SLC35G5: variants seen among roughly 807,000 people sequenced by gnomAD.
SLC35G5 encodes solute carrier family 35 member G5.
SLC35G5 carries 14 observed loss-of-function variants against 17.6 expected under a neutral mutation model. The observed-to-expected ratio is 0.79, with a 90% CI of 0.52 to 1.24. The LOEUF is 1.24. SLC35G5 is among the 50% of genes most tolerant of loss of function. SLC35G5 has a pLI of 0.00. For missense variants in SLC35G5, 541 were observed against 430.3 expected (o/e 1.26, Z -2.28); for synonymous variants, 236 against 194.9 (o/e 1.21, Z -1.76).
In SLC35G5 at chr8:11,331,274, C is replaced by A. The variant is rs1801212021; in HGVS notation, c.168C>A (p.Pro56=). The A allele has an allele frequency of 6.2e-7, 1 of 1,614,000 alleles. No homozygotes were observed. Among genetic ancestry groups the A allele is most frequent in the Non-Finnish European group, 8.5e-7 (1 of 1,179,908 alleles). ...GGGLPAGFVG[P]LSRMAYQGSN... is the part of the protein sequence containing the mutation. The stretch of plus-strand genomic sequence containing the variant: ...GCCTGCCTGCTGGCTTCGTGGGCCC[C>A]CTTTCTCGTATGGCTTACCAGGGTT... The change falls in exon 1 of 1, where the codon CCC becomes CCA. Residue 56 remains proline, a synonymous_variant. Transcript: ENST00000382435.
Position 11,331,049 on chromosome 8 carries a change from G to A in SLC35G5, c.-58G>A, listed in dbSNP as rs554557827. The stretch of plus-strand genomic sequence containing the variant: ...CACTCCAATGAGGTCACAATGGCTG[G>A]AGCTCTGAGGGGCCCAGGCTCCCTG... On this transcript the variant is annotated 5_prime_UTR_variant, in exon 1 of 1. Coordinates refer to ENST00000382435, the MANE Select transcript of SLC35G5 (RefSeq NM_054028.2). The A allele has an allele frequency of 1.3e-6, 2 of 1,539,874 alleles. No individual in the cohort carries two copies. The highest frequency in any genetic ancestry group is 4.5e-5 in the East Asian group (2 of 44,248).
rs142496846 is a variant in SLC35G5, at chr8:11,331,271, C to T, written c.165C>T (p.Gly55=). Reference sequence around the variant, plus strand: ...GGGGCCTGCCTGCTGGCTTCGTGGGCCCCCTTTCTCGTATGGCTTACCAGG... The same window carrying T: ...GGGGCCTGCCTGCTGGCTTCGTGGGTCCCCTTTCTCGTATGGCTTACCAGG... ...LGGGLPAGFV[G]PLSRMAYQGS... is the part of the protein sequence containing the mutation. Residue 55 remains glycine, a synonymous_variant, in exon 1 of 1, where the codon GGC becomes GGT. Coordinates refer to ENST00000382435, the MANE Select transcript of SLC35G5 (RefSeq NM_054028.2). The T allele has an allele frequency of 5.0e-6, 8 of 1,613,734 alleles. No homozygotes were observed. Among genetic ancestry groups the T allele is most frequent in the East Asian group, 2.2e-5 (1 of 44,882 alleles).
At position 11,331,062 on chromosome 8, in the gene SLC35G5, C is replaced by T. The variant is rs746767597; in HGVS notation, c.-45C>T. 6 of 1,554,356 alleles carry T rather than the reference C, an allele frequency of 3.9e-6. No individual in the cohort carries two copies. In the Admixed American group the frequency reaches 5.8e-5, roughly 15 times the overall value. ...TCACAATGGCTGGAGCTCTGAGGGGCCCAGGCTCCCTGAGCCAGGAGGAGA... is the reference window on the plus strand; with the variant it reads ...TCACAATGGCTGGAGCTCTGAGGGGTCCAGGCTCCCTGAGCCAGGAGGAGA... On this transcript the variant is annotated 5_prime_UTR_variant, in exon 1 of 1. Transcript: ENST00000382435.
At position 11,331,707 on chromosome 8, in the gene SLC35G5, C is replaced by T; in HGVS notation, c.601C>T (p.Leu201=). 1 of 1,612,018 alleles carries T rather than the reference C, an allele frequency of 6.2e-7. No individual in the cohort carries two copies. The highest frequency in any genetic ancestry group is 8.5e-7 in the Non-Finnish European group (1 of 1,179,852). The change falls in exon 1 of 1, where the codon CTG becomes TTG. Residue 201 remains leucine (L), a synonymous_variant. Transcript: ENST00000382435. ...CTATGTGCAGGCTTTCCTGGGAGGC[C>T]TGGCGCTGTCCCTGGGGCTTCTGGT... ...LGYVQAFLGG[L]ALSLGLLVYR...
In SLC35G5 at chr8:11,332,224, T is replaced by C. The variant is rs2117503144; in HGVS notation, c.*101T>C. On this transcript the variant is annotated 3_prime_UTR_variant, in exon 1 of 1. Coordinates refer to ENST00000382435, the MANE Select transcript of SLC35G5 (RefSeq NM_054028.2). ...AAAGAAAAAAAATAATTATAATAAA[T>C]CCTAGGAAAGAGTGAAAGTCTAACT... 1 of 1,482,704 alleles carries C rather than the reference T, an allele frequency of 6.7e-7. No homozygotes were observed. The highest frequency in any genetic ancestry group is 1.4e-5 in the South Asian group (1 of 72,972). The allele number at this position is 1,482,704 out of a possible 1,614,324, so 91.8% of individuals were successfully genotyped here.
At position 11,332,174 on chromosome 8, in the gene SLC35G5, A is replaced by G. The variant is rs762217730; in HGVS notation, c.*51A>G. The G allele has an allele frequency of 1.3e-6, 2 of 1,597,222 alleles. No homozygotes were observed. Among genetic ancestry groups the G allele is most frequent in the Non-Finnish European group, 1.7e-6 (2 of 1,175,584 alleles). On this transcript the variant is annotated 3_prime_UTR_variant, in exon 1 of 1. Coordinates refer to ENST00000382435, the MANE Select transcript of SLC35G5 (RefSeq NM_054028.2). The stretch of plus-strand genomic sequence containing the variant: ...GGGAGGGACAGGGATAAATAAAGAC[A>G]AAGACTGAAGACAAAAAAAAAATAA...
At position 11,332,343 on chromosome 8, in the gene SLC35G5, A is replaced by G. The variant is rs1180831687; in HGVS notation, c.*220A>G. 4 of 838,924 alleles carry G rather than the reference A, an allele frequency of 4.8e-6. No homozygotes were observed. Among genetic ancestry groups the G allele is most frequent in the African/African-American group, 3.5e-5 (2 of 56,654 alleles). The allele number at this position is 838,924 out of a possible 1,614,324, so 52.0% of individuals were successfully genotyped here. On this transcript the variant is annotated 3_prime_UTR_variant, in exon 1 of 1. Coordinates refer to ENST00000382435, the MANE Select transcript of SLC35G5 (RefSeq NM_054028.2). ...AGAAATCTGGCTTATTTACAGGAATAAAATTAATTGAACTATCCTTAAGGA... is the reference window on the plus strand; with the variant it reads ...AGAAATCTGGCTTATTTACAGGAATGAAATTAATTGAACTATCCTTAAGGA...
Position 11,332,166 on chromosome 8 carries a change from A to G in SLC35G5, c.*43A>G, listed in dbSNP as rs769005148. Reference sequence around the variant, plus strand: ...CGGGGGTTGGGAGGGACAGGGATAAATAAAGACAAAGACTGAAGACAAAAA... The same window carrying G: ...CGGGGGTTGGGAGGGACAGGGATAAGTAAAGACAAAGACTGAAGACAAAAA... On this transcript the variant is annotated 3_prime_UTR_variant, in exon 1 of 1. Transcript: ENST00000382435. 6 of 1,609,236 alleles carry G rather than the reference A, an allele frequency of 3.7e-6. No individual in the cohort carries two copies. In the South Asian group the frequency reaches 5.5e-5, roughly 15 times the overall value.
rs149660269 is a variant in SLC35G5 at position 11,331,195 on chromosome 8, G to A, written c.89G>A (p.Arg30His). Residue 30 changes from arginine to histidine, a missense_variant, in exon 1 of 1, where the codon CGC becomes CAC. Transcript: ENST00000382435. ...SAPPSLRWHQRCQPSGATNGL... is the reference protein window; with the variant it reads ...SAPPSLRWHQHCQPSGATNGL... ...CCACCCAGCCTCCGCTGGCACCAGC[G>A]CTGCCAGCCCTCTGGTGCCACCAAT... 16 of 1,613,768 alleles carry A rather than the reference G, an allele frequency of 9.9e-6. No individual in the cohort carries two copies. The African/African-American group carries it at 1.2e-4, about 12-fold the overall frequency.
At position 11,331,946 on chromosome 8, in the gene SLC35G5, C is replaced by A. The variant is rs1425853568; in HGVS notation, c.840C>A (p.Ala280=). Reference sequence around the variant, plus strand: ...ATGCGGTCACCAAGGCCCACCCTGCCCTGGTGTGCGCTGTCCTGCATTCCG... The same window carrying A: ...ATGCGGTCACCAAGGCCCACCCTGCACTGGTGTGCGCTGTCCTGCATTCCG... ...VGYAVTKAHP[A]LVCAVLHSEV... is the part of the protein sequence containing the mutation. Residue 280 remains alanine, a synonymous_variant, in exon 1 of 1, where the codon GCC becomes GCA. Transcript: ENST00000382435. The A allele has an allele frequency of 2.5e-6, 4 of 1,612,020 alleles. No individual in the cohort carries two copies. In the Admixed American group the frequency reaches 5.0e-5, roughly 20 times the overall value.
chr8:11,331,820 CTT>C lies in SLC35G5; in HGVS notation c.716_717del (p.Phe239CysfsTer10). The C allele has an allele frequency of 6.2e-7, 1 of 1,611,912 alleles. No individual in the cohort carries two copies. ...GGCTGCTGGGCTGTGTGCCAGGCCT[CTT>C]TGTGCTGCAGACCCCCGTGTTGCCC... Reference protein sequence around the residue: ...VGLLGCVPGLFVLQTPVLPSD... With the variant: ...VGLLGCVPGLXVLQTPVLPSD... On this transcript the variant is annotated frameshift_variant, in exon 1 of 1. Transcript: ENST00000382435. LOFTEE classifies it high-confidence loss of function.
rs755131257 is a variant in SLC35G5 at position 11,331,667 on chromosome 8, C to A, written c.561C>A (p.Val187=). The change falls in exon 1 of 1, where the codon GTC becomes GTA. Residue 187 remains valine (V), a synonymous_variant. Transcript: ENST00000382435. ...CACTACAGGAGGGGACCACAGGTGT[C>A]TACACCACCCTGGGCTATGTGCAGG... The part of the protein sequence containing the change: ...LWTLQEGTTG[V]YTTLGYVQAF... 5.0e-6 allele frequency: 8 copies of A among 1,612,100 alleles called. No individual in the cohort carries two copies. The African/African-American group carries it at 1.1e-4, about 22-fold the overall frequency.
rs1489305598 is a variant in SLC35G5, at chr8:11,332,197, TAAAAG to T, written c.*79_*83del. 5 of 1,512,300 alleles carry T rather than the reference TAAAAG, an allele frequency of 3.3e-6. No individual in the cohort carries two copies. The highest frequency in any genetic ancestry group is 4.4e-6 in the Non-Finnish European group (5 of 1,135,846). 93.7% of individuals were successfully genotyped at this position (1,512,300 alleles called of 1,614,324 possible). A position where few individuals can be genotyped will look rare whatever the true frequency, so the allele number is the denominator to read the frequency against. On this transcript the variant is annotated 3_prime_UTR_variant, in exon 1 of 1. Coordinates refer to ENST00000382435, the MANE Select transcript of SLC35G5 (RefSeq NM_054028.2). ...ACAAAGACTGAAGACAAAAAAAAAA[TAAAAG>T]AAAAAAAATAATTATAATAAATCCT... is the stretch of plus-strand genomic sequence containing the variant.
chr8:11,332,037 A>G lies in SLC35G5; in HGVS notation c.931A>G (p.Met311Val), dbSNP rs974279601. The change falls in exon 1 of 1, where the codon ATG becomes GTG. Residue 311 changes from methionine (M) to valine (V), a missense_variant. Physicochemically the swap from Met to Val is conservative, Grantham distance 21. Coordinates refer to ENST00000382435, the MANE Select transcript of SLC35G5 (RefSeq NM_054028.2). The part of the protein sequence containing the change: ...LHETVALSDI[M>V]GAGVVLGSIA... ...TGAGACTGTGGCACTTTCTGACATC[A>G]TGGGGGCAGGGGTTGTGCTGGGCAG... 3.7e-6 allele frequency: 6 copies of G among 1,611,782 alleles called. No individual in the cohort carries two copies. Among genetic ancestry groups the G allele is most frequent in the African/African-American group, 1.3e-5 (1 of 74,822 alleles).
rs1196384946 is a variant in SLC35G5, at chr8:11,332,209, AATAATT to A, written c.*92_*97del. The A allele has an allele frequency of 1.1e-5, 16 of 1,498,282 alleles. No homozygotes were observed. The highest frequency in any genetic ancestry group is 2.4e-4 in the Middle Eastern group (1 of 4,130). 92.8% of individuals were successfully genotyped at this position (1,498,282 alleles called of 1,614,324 possible). ...GACAAAAAAAAAATAAAAGAAAAAAAATAATTATAATAAATCCTAGGAAAGAGTGAA... is the reference window on the plus strand; with the variant it reads ...GACAAAAAAAAAATAAAAGAAAAAAAATAATAAATCCTAGGAAAGAGTGAA... On this transcript the variant is annotated 3_prime_UTR_variant, in exon 1 of 1. Transcript: ENST00000382435.
rs1334182655 is a variant in SLC35G5 at position 11,332,314 on chromosome 8, A to G, written c.*191A>G. On this transcript the variant is annotated 3_prime_UTR_variant, in exon 1 of 1. Coordinates refer to ENST00000382435, the MANE Select transcript of SLC35G5 (RefSeq NM_054028.2). ...AAAAATATCACAAAGCATGCAAACA[A>G]ATGAGAAATCTGGCTTATTTACAGG... 6.8e-6 allele frequency: 7 copies of G among 1,031,992 alleles called. No homozygotes were observed. The highest frequency in any genetic ancestry group is 9.2e-6 in the Non-Finnish European group (7 of 761,800). 63.9% of individuals were successfully genotyped at this position (1,031,992 alleles called of 1,614,324 possible).
Position 11,331,768 on chromosome 8 carries a change from C to T in SLC35G5, c.662C>T (p.Thr221Ile). 1.9e-6 allele frequency: 3 copies of T among 1,611,990 alleles called. No individual in the cohort carries two copies. The Admixed American group carries it at 5.0e-5, about 27-fold the overall frequency. The change falls in exon 1 of 1, where the codon ACA (threonine) becomes ATA (isoleucine). Residue 221 changes from threonine (T) to isoleucine (I), a missense_variant. Coordinates refer to ENST00000382435, the MANE Select transcript of SLC35G5 (RefSeq NM_054028.2). The part of the protein sequence containing the change: ...RSLHFPSCLP[T>I]VAFLSGLVGL... ...CTGCACTTTCCCTCCTGCCTCCCAA[C>T]AGTGGCCTTCCTATCTGGCTTGGTG... is the stretch of plus-strand genomic sequence containing the variant.
In SLC35G5 at chr8:11,331,440, G is replaced by A. The variant is rs1157830372; in HGVS notation, c.334G>A (p.Val112Ile). Reference sequence around the variant, plus strand: ...GGCCTGCTTCTGTGCCCTGCTCAACGTCCTCAGCATTGGATGTGCCTACAG... The same window carrying A: ...GGCCTGCTTCTGTGCCCTGCTCAACATCCTCAGCATTGGATGTGCCTACAG... ...GWACFCALLNVLSIGCAYSAV... is the reference protein window; with the variant it reads ...GWACFCALLNILSIGCAYSAV... The change falls in exon 1 of 1, where the codon GTC becomes ATC. Residue 112 changes from valine to isoleucine, a missense_variant. By Grantham distance (29) the Val-to-Ile change is conservative. Transcript: ENST00000382435. The A allele has an allele frequency of 5.0e-6, 8 of 1,613,976 alleles. No individual in the cohort carries two copies. The highest frequency in any genetic ancestry group is 3.3e-5 in the Admixed American group (2 of 60,018).
In SLC35G5 at chr8:11,332,136, G is replaced by A. The variant is rs199515280; in HGVS notation, c.*13G>A. 2 of 1,611,494 alleles carry A rather than the reference G, an allele frequency of 1.2e-6. No individual in the cohort carries two copies. Among genetic ancestry groups the A allele is most frequent in the East Asian group, 2.2e-5 (1 of 44,862 alleles). ...GGTGGAGGAGTGAGATAGAACTTGGGAGCCCGGGGGTTGGGAGGGACAGGG... is the reference window on the plus strand; with the variant it reads ...GGTGGAGGAGTGAGATAGAACTTGGAAGCCCGGGGGTTGGGAGGGACAGGG... On this transcript the variant is annotated 3_prime_UTR_variant, in exon 1 of 1. Transcript: ENST00000382435.
Sources: gnomAD v4.1 joint callset for allele counts on GRCh38, gnomAD v4.1.1 for gene constraint, MANE v1.5 for transcripts, NCBI Gene and HGNC (gene_info 2026-07-23, HGNC 2026-07-21) for gene names.